Variants in PID1 observed in about 807,000 individuals in gnomAD.
The protein encoded by PID1 is phosphotyrosine interaction domain containing 1, also known as PTB-containing, cubilin and LRP1-interacting protein.
PID1 carries 10 observed loss-of-function variants against 19.1 expected under a neutral mutation model. The ratio of observed to expected loss-of-function variants is 0.52; its 90% CI spans 0.32 to 0.89. The LOEUF (loss-of-function observed/expected upper bound fraction) is 0.89. Among genes scored for constraint, PID1 ranks in the 40% least tolerant of loss-of-function variants. The pLI is 0.03. For missense variants in PID1, 248 were observed against 285.3 expected, an observed-to-expected ratio of 0.87 and a Z score of 0.94; for synonymous variants, 130 against 116.0, an observed-to-expected ratio of 1.12 and a Z score of -0.78.
chr2:229,073,314 C>T (rs991793868), intron 2 of PID1, among the ~76,000 whole-genome samples: 10 of 152,248 alleles, frequency 6.6e-5, no homozygotes, highest in African/African-American at 9.6e-5. Flanking sequence ...TGTGAGCCAC[C>T]GCGCCCAGCC....
chr2:229,068,998 T>C (rs1694390468), intron 2 of PID1, among the ~76,000 whole-genome samples: 1 of 152,182 alleles, frequency 6.6e-6, no homozygotes, highest in African/African-American at 2.4e-5. Flanking sequence ...CCCAGTGTCT[T>C]CTGTCCTTTC....
At chr2:229,043,980 C>G (rs917998033) in intron 2 of PID1, among the ~76,000 whole-genome samples, 2 of 152,112 alleles carry the variant, frequency 1.3e-5, no homozygotes, top group Non-Finnish European at 2.9e-5. Flanking sequence ...TCTCTGGGCC[C>G]CTTCCATATT....
intron 1 of PID1, among the ~76,000 whole-genome samples, chr2:229,168,180 A>G (rs1690640847): frequency 6.6e-6 from 1 of 152,174 alleles, no homozygotes; most frequent in Non-Finnish European, 1.5e-5. Flanking sequence ...TGTTATCTTG[A>G]ATCCATAGAT....
At chr2:229,068,733 C>T (rs1026103009) in intron 2 of PID1, among the ~76,000 whole-genome samples, 3 of 152,102 alleles carry the variant, frequency 2.0e-5, no homozygotes, top group African/African-American at 7.2e-5. Context: ...GGAAGCCGCC[C>T]GCAAGGGTAT....
chr2:229,087,978 C>A (rs72495163), intron 2 of PID1, among the ~76,000 whole-genome samples: 2 of 152,132 alleles, frequency 1.3e-5, no homozygotes, highest in South Asian at 4.2e-4. Flanking sequence ...ATGCACCCCC[C>A]ACACACAAAC....
At chr2:229,225,101 T>C (rs1297106578) in intron 1 of PID1, among the ~76,000 whole-genome samples, 2 of 152,136 alleles carry the variant, frequency 1.3e-5, no homozygotes, top group Non-Finnish European at 1.5e-5. Context: ...TCCACATCCT[T>C]CTCATACCAT....
chr2:229,137,476 T>TA (rs1482645365), intron 2 of PID1, among the ~76,000 whole-genome samples: 1 of 152,214 alleles, frequency 6.6e-6, no homozygotes, highest in African/African-American at 2.4e-5. Context: ...GTTTAATACT[T>TA]ACTACATTTC....
chr2:229,157,090 C>A (rs1053740296), intron 1 of PID1, among the ~76,000 whole-genome samples: 3 of 152,118 alleles, frequency 2.0e-5, no homozygotes, highest in African/African-American at 7.2e-5. Context: ...TCATGCCTCG[C>A]TTCATGTGCC....
chr2:229,144,763 C>T lies in PID1; in HGVS notation c.177+11055G>A, dbSNP rs145367691. Among the ~76,000 whole-genome samples the T allele has an allele frequency of 1.7e-3, 259 of 152,008 alleles. 2 individuals carry two copies. Among genetic ancestry groups the T allele is most frequent in the African/African-American group, 5.8e-3 (240 of 41,480 alleles). ...AAGAAACTGCCAAAATAAATAATTA[C>T]GATCACTTCTTCAAGCAGGACTGAG... is the stretch of plus-strand genomic sequence containing the variant. On this transcript the variant is annotated intron_variant, in intron 2 of 2. Coordinates refer to ENST00000392055, the MANE Select transcript of PID1 (RefSeq NM_001100818.2).
intron 2 of PID1, among the ~76,000 whole-genome samples, chr2:229,107,242 G>C (rs533818457): frequency 1.3e-5 from 2 of 152,280 alleles, no homozygotes; most frequent in East Asian, 3.9e-4. Context: ...AGAATGGAGA[G>C]AATAAGTTCC....
intron 1 of PID1, among the ~76,000 whole-genome samples, chr2:229,238,525 A>G (rs1001902553): frequency 2.0e-5 from 3 of 152,168 alleles, no homozygotes; most frequent in Non-Finnish European, 4.4e-5. Flanking sequence ...AAGAGGCCAT[A>G]AACATTTGTT....
intron 1 of PID1, among the ~76,000 whole-genome samples, chr2:229,184,933 CAT>C (rs1373091607): frequency 6.7e-5 from 9 of 134,178 alleles, no homozygotes; most frequent in Middle Eastern, 5.2e-3. Flanking sequence ...ATATGTATCC[CAT>C]ATATATATCC....
chr2:229,114,135 T>TC (rs1559239219), intron 2 of PID1, among the ~76,000 whole-genome samples: 11 of 93,790 alleles, frequency 1.2e-4, no homozygotes, highest in African/African-American at 3.9e-4. Flanking sequence ...CTCTCTCTCT[T>TC]TCTCTCTCTC....
rs553406692 is a variant in PID1, at chr2:229,232,156, G to A, written c.30+38858C>T. The A allele has an allele frequency of 2.3e-4, 327 of 1,435,036 alleles. 2 individuals carry two copies. The highest frequency in any genetic ancestry group is 4.7e-4 in the Middle Eastern group (2 of 4,278). The allele number at this position is 1,435,036 out of a possible 1,614,324, so 88.9% of individuals were successfully genotyped here. A position where few individuals can be genotyped will look rare whatever the true frequency, so the allele number is the denominator to read the frequency against. Reference sequence around the variant, plus strand: ...AGGTCCCTCTTGGCCGGGTGCAGTGGCTCACGCCTGTAATCCCAGCACTCT... The same window carrying A: ...AGGTCCCTCTTGGCCGGGTGCAGTGACTCACGCCTGTAATCCCAGCACTCT... On this transcript the variant is annotated intron_variant, in intron 1 of 2. Coordinates refer to ENST00000392055, the MANE Select transcript of PID1 (RefSeq NM_001100818.2).
chr2:229,206,791 G>C (rs1378406430), intron 1 of PID1, among the ~76,000 whole-genome samples: 9 of 152,140 alleles, frequency 5.9e-5, no homozygotes, highest in Non-Finnish European at 1.0e-4. Context: ...ACAACACCAA[G>C]AGCCTATTTA....
intron 2 of PID1, among the ~76,000 whole-genome samples, chr2:229,057,162 G>T (rs893554297): frequency 6.6e-6 from 1 of 152,034 alleles, no homozygotes; most frequent in African/African-American, 2.4e-5. Context: ...TAATAGCCAG[G>T]CCTGGTGGCT....
chr2:229,044,013 C>G (rs950871833), intron 2 of PID1, among the ~76,000 whole-genome samples: 1 of 152,174 alleles, frequency 6.6e-6, no homozygotes, highest in African/African-American at 2.4e-5. Context: ...ATGTGTAAAG[C>G]AAAGATACAG....
In PID1 at chr2:229,160,885, G is replaced by A. The variant is rs149544003; in HGVS notation, c.31-4921C>T. 1.6e-4 allele frequency among the ~76,000 whole-genome samples: 25 copies of A among 152,202 alleles called. No homozygotes were observed. In the East Asian group the frequency reaches 4.7e-3, roughly 28 times the overall value. On this transcript the variant is annotated intron_variant, in intron 1 of 2. Transcript: ENST00000392055. ...ATTAACATTTTATGTAACTCTGAGT[G>A]GCTCTGGTGCATTTTTGGTGGTTAA...
chr2:229,034,861 G>A (rs1018317405), intron 2 of PID1, among the ~76,000 whole-genome samples: 1 of 152,060 alleles, frequency 6.6e-6, no homozygotes, highest in African/African-American at 2.4e-5. Flanking sequence ...GATGGAAAAT[G>A]TGTACCTGTC....
Sources: allele counts gnomAD v4.1 joint callset (sites outside exome capture counted in the v4.1 genomes callset), GRCh38; gene constraint gnomAD v4.1.1; transcripts MANE v1.5; gene names NCBI Gene and HGNC (gene_info 2026-07-23, HGNC 2026-07-21).